The following XRN1 variants were observed in gnomAD, a reference collection of about 807,000 sequenced individuals.
XRN1 encodes the protein 5'-3' exoribonuclease 1, also known as strand-exchange protein 1 homolog.
In XRN1, 67 loss-of-function variants were observed where a neutral mutation model predicts 222.3. The ratio of observed to expected loss-of-function variants is 0.30; its 90% CI spans 0.25 to 0.37. The LOEUF (loss-of-function observed/expected upper bound fraction) is 0.37, where lower values mean the gene tolerates loss of function less well. Among genes scored for constraint, XRN1 ranks in the 10% least tolerant of loss-of-function variants. XRN1 has a pLI of 1.00. For synonymous variants in XRN1, 643 were observed against 652.4 expected, an observed-to-expected ratio of 0.99 and a Z score of 0.22; for missense variants, 1,707 against 2,000.2, an observed-to-expected ratio of 0.85 and a Z score of 2.80.
chr3:142,327,449 CT>C (rs1164565640), intron 37 of XRN1, among the ~76,000 whole-genome samples: 1 of 151,334 alleles, frequency 6.6e-6, no homozygotes, highest in African/African-American at 2.4e-5. Flanking sequence ...GTAATGACTC[CT>C]TTTTCATCTC....
intron 29 of XRN1, among the ~76,000 whole-genome samples, chr3:142,363,635 AG>A: frequency 1.3e-5 from 2 of 151,846 alleles, no homozygotes; most frequent in South Asian, 4.2e-4. Flanking sequence ...AGTTTACTCT[AG>A]CTTTGTAAAG....
rs1394796776 is a variant in XRN1 at position 142,311,331 on chromosome 3, A to T, written c.*180T>A. The T allele has an allele frequency of 3.9e-6, 2 of 510,066 alleles. No homozygotes were observed. The highest frequency in any genetic ancestry group is 3.8e-5 in the African/African-American group (2 of 52,052). The allele number at this position is 510,066 out of a possible 1,614,324, so 31.6% of individuals were successfully genotyped here. A position where few individuals can be genotyped will look rare whatever the true frequency, so the allele number is the denominator to read the frequency against. On this transcript the variant is annotated 3_prime_UTR_variant, in exon 41 of 41. Transcript: ENST00000392981. ...CAAACTGCACATACTTAAAGTGCAC[A>T]ATTTGATACACAGTCTTTTAAACAG...
chr3:142,444,130 TA>T (rs761885313), intron 1 of XRN1, among the ~76,000 whole-genome samples: 7 of 151,944 alleles, frequency 4.6e-5, no homozygotes, highest in African/African-American at 1.2e-4. Context: ...TTAATGGGTA[TA>T]AAAGAAAAAC....
In XRN1 at chr3:142,447,637, G is replaced by C. The variant is rs1195153856; in HGVS notation, c.75+233C>G. ...CGCGGAAGGACCAGCAGAAGCAAGA[G>C]CTGTCAGAGAAGCCGTGAACCCAGC... On this transcript the variant is annotated intron_variant, in intron 1 of 40. Transcript: ENST00000392981. This position sits in a 1 kb window ranked among gnomAD's most constrained non-coding sequence, Gnocchi z 4.2. Among the ~76,000 whole-genome samples the C allele has an allele frequency of 6.6e-6, 1 of 152,218 alleles. No homozygotes were observed. Among genetic ancestry groups the C allele is most frequent in the Non-Finnish European group, 1.5e-5 (1 of 68,022 alleles).
chr3:142,314,904 CAAAAAA>C (rs776430519), intron 39 of XRN1, among the ~76,000 whole-genome samples: 597 of 22,180 alleles, frequency 0.027, no homozygotes, highest in Non-Finnish European at 0.05. Flanking sequence ...GACTCTGTCT[CAAAAAA>C]AAAAAAAAAA....
chr3:142,335,373 T>C, intron 34 of XRN1, 75 bp downstream of exon 34: 1 of 1,385,794 alleles, frequency 7.2e-7, no homozygotes, highest in Admixed American at 1.8e-5. Flanking sequence ...GGTTGAGAAA[T>C]TCAGTCCAAT....
chr3:142,403,570 T>C, intron 18 of XRN1, 104 bp downstream of exon 18: 1 of 1,033,254 alleles, frequency 9.7e-7, no homozygotes, highest in Non-Finnish European at 1.4e-6. Flanking sequence ...AGGCTCCAAA[T>C]TTCTAGAGTT....
At chr3:142,334,754 A>G (rs2065802526) in intron 34 of XRN1, among the ~76,000 whole-genome samples, 1 of 140,792 alleles carries the variant, frequency 7.1e-6, no homozygotes, top group Non-Finnish European at 1.5e-5. Flanking sequence ...GTGTGTATAT[A>G]TATGTCTATG....
intron 30 of XRN1, among the ~76,000 whole-genome samples, chr3:142,358,533 C>T (rs1411243367): frequency 6.6e-6 from 1 of 152,100 alleles, no homozygotes; most frequent in Non-Finnish European, 1.5e-5. Flanking sequence ...GAATACACTG[C>T]AGGCAGGTAA....
chr3:142,374,326 A>G (rs1402680596), intron 25 of XRN1, among the ~76,000 whole-genome samples: 1 of 152,210 alleles, frequency 6.6e-6, no homozygotes, highest in African/African-American at 2.4e-5. Context: ...ACAGGTTTTA[A>G]AAGAAGTCTC....
intron 25 of XRN1, among the ~76,000 whole-genome samples, chr3:142,371,980 TGGG>T (rs1344114506): frequency 6.6e-6 from 1 of 152,070 alleles, no homozygotes; most frequent in Non-Finnish European, 1.5e-5. Context: ...GAACTACCAG[TGGG>T]GGAAGTCAAT....
intron 8 of XRN1, 48 bp downstream of exon 8, chr3:142,422,534 G>T: frequency 6.4e-7 from 1 of 1,551,244 alleles, no homozygotes; most frequent in Non-Finnish European, 8.8e-7. Context: ...TTAGGGTAAG[G>T]TGGCACTAAA....
At chr3:142,436,678 T>A (rs2069924930) in intron 1 of XRN1, among the ~76,000 whole-genome samples, 1 of 152,124 alleles carries the variant, frequency 6.6e-6, no homozygotes, top group African/African-American at 2.4e-5. Flanking sequence ...TACAATGGAA[T>A]TCAACACAGC....
chr3:142,420,111 T>A (rs975755750), intron 10 of XRN1: 1 of 152,190 alleles, frequency 6.6e-6, no homozygotes, highest in South Asian at 2.1e-4. Flanking sequence ...ATCTAGTTAA[T>A]GTCTCATATC....
chr3:142,421,136 G>T lies in XRN1; in HGVS notation c.1053C>A (p.Phe351Leu), dbSNP rs2069014149. Reference sequence around the variant, plus strand: ...ATTTTAGGTCCACAAAAACTTCACTGAAGTGCTCCCGATCAAACTGTACAG... The same window carrying T: ...ATTTTAGGTCCACAAAAACTTCACTTAAGTGCTCCCGATCAAACTGTACAG... The part of the protein sequence containing the change: ...VKLSDFDREH[F>L]SEVFVDLKWF... Residue 351 changes from phenylalanine to leucine, a missense_variant, in exon 10 of 41, where the codon TTC becomes TTA. Physicochemically the swap from Phe to Leu is conservative, Grantham distance 22. Around this residue, in one of 2 missense-constraint regions of XRN1, gnomAD observed 1,234 missense variants for 1,518.2 expected, o/e 0.81. Coordinates refer to ENST00000392981, the MANE Select transcript of XRN1 (RefSeq NM_001282857.2). The T allele has an allele frequency of 8.1e-6, 13 of 1,613,142 alleles. No homozygotes were observed. Among genetic ancestry groups the T allele is most frequent in the Non-Finnish European group, 1.1e-5 (13 of 1,179,576 alleles).
At chr3:142,358,277 G>A (rs2066518391) in intron 30 of XRN1, among the ~76,000 whole-genome samples, 1 of 152,070 alleles carries the variant, frequency 6.6e-6, no homozygotes. Context: ...AAAGGCTTAA[G>A]AGACAAGTAT....
intron 32 of XRN1, among the ~76,000 whole-genome samples, chr3:142,351,271 A>C (rs2066297578): frequency 6.6e-6 from 1 of 152,210 alleles, no homozygotes; most frequent in Non-Finnish European, 1.5e-5. Context: ...CTGACAAAGA[A>C]GACTGAGAAA....
intron 18 of XRN1, among the ~76,000 whole-genome samples, chr3:142,403,450 T>C (rs1249440960): frequency 6.6e-6 from 1 of 152,192 alleles, no homozygotes; most frequent in African/African-American, 2.4e-5. Flanking sequence ...ACATAGCTCT[T>C]CTCCTTTTTA....
At chr3:142,443,484 AG>A (rs1417481519) in intron 1 of XRN1, among the ~76,000 whole-genome samples, 1 of 152,178 alleles carries the variant, frequency 6.6e-6, no homozygotes, top group African/African-American at 2.4e-5. Flanking sequence ...GCAAAACAGG[AG>A]GTAAAGAAAT....
Sources: gnomAD v4.1 joint callset for allele counts (sites outside exome capture counted in the v4.1 genomes callset) on GRCh38, gnomAD v4.1.1 for gene constraint, gnomAD v4.1.1 regional missense constraint, Gnocchi (gnomAD v3.1) non-coding constraint, MANE v1.5 for transcripts, NCBI Gene and HGNC (gene_info 2026-07-23, HGNC 2026-07-21) for gene names.